Variants in CELF2 observed in about 807,000 individuals in gnomAD.
CELF2 encodes the protein CUGBP Elav-like family member 2, also known as CUG triplet repeat RNA-binding protein 2.
In CELF2, 8 loss-of-function variants were observed where a neutral mutation model predicts 62.6. The observed-to-expected ratio is 0.13, with a 90% confidence interval of 0.07 to 0.23. CELF2 has a LOEUF of 0.23. Among genes scored for constraint, CELF2 ranks in the 10% least tolerant of loss-of-function variants. CELF2 has a pLI of 1.00. For synonymous variants in CELF2, 258 were observed against 250.0 expected (o/e 1.03, Z -0.30); for missense variants, 333 against 671.0 (o/e 0.50, Z 5.56).
intron 1 of CELF2, among the ~76,000 whole-genome samples, chr10:10,857,943 A>C (rs1235141811): frequency 6.6e-6 from 1 of 151,834 alleles, no homozygotes; most frequent in Non-Finnish European, 1.5e-5. Flanking sequence ...TTTTTTAGTC[A>C]CTAGATGGGC....
intron 5 of CELF2, among the ~76,000 whole-genome samples, chr10:11,259,377 C>A (rs2765990): frequency 0.18 from 26,218 of 147,318 alleles, 2,753 homozygotes; most frequent in African/African-American, 0.31. Flanking sequence ...AACTAGGAGG[C>A]GGTGGAACCA....
At chr10:10,912,842 ACT>A (rs1489287574) in intron 1 of CELF2, among the ~76,000 whole-genome samples, 2 of 152,008 alleles carry the variant, frequency 1.3e-5, no homozygotes, top group Non-Finnish European at 2.9e-5. Flanking sequence ...TCAAATCCTG[ACT>A]CTATCTGTCA....
the CELF2 span, among the ~76,000 whole-genome samples, chr10:10,598,224 T>C: frequency 1.3e-5 from 2 of 152,242 alleles, no homozygotes; most frequent in Non-Finnish European, 2.9e-5. Context: ...GGCCAAAGAT[T>C]GTGTTCTAGA....
rs1025439235 is a variant in CELF2, at chr10:11,039,342, T to G, written c.74+21179T>G. 6.6e-6 allele frequency among the ~76,000 whole-genome samples: 1 copy of G among 152,218 alleles called. No individual in the cohort carries two copies. The highest frequency in any genetic ancestry group is 2.4e-5 in the African/African-American group (1 of 41,464). ...ACCTCCCATGCCAGGATTTGGGATG[T>G]AAGCTCATCTCAAATGTAGCCCATC... is the stretch of plus-strand genomic sequence containing the variant. On this transcript the variant is annotated intron_variant, in intron 1 of 12. Coordinates refer to ENST00000633077, the MANE Select transcript of CELF2 (RefSeq NM_001326342.2). The surrounding 1 kb of genome is among the most constrained non-coding windows in gnomAD (Gnocchi z 4.1).
intron 1 of CELF2, among the ~76,000 whole-genome samples, chr10:11,140,440 A>G (rs998679127): frequency 1.4e-4 from 21 of 151,546 alleles, no homozygotes; most frequent in African/African-American, 4.6e-4. Context: ...CATTTCAACT[A>G]TCTGGTATGC....
chr10:10,905,843 A>G (rs538066121), intron 1 of CELF2, among the ~76,000 whole-genome samples: 21 of 151,238 alleles, frequency 1.4e-4, no homozygotes, highest in Non-Finnish European at 2.4e-4. Context: ...ATGCCACTGC[A>G]CTCCAGCCTG....
the CELF2 span, among the ~76,000 whole-genome samples, chr10:10,486,130 A>G: frequency 5.3e-5 from 8 of 152,206 alleles, no homozygotes; most frequent in African/African-American, 1.9e-4. Flanking sequence ...GGAAATGTCA[A>G]TGAGGCTCCA....
intron 3 of CELF2, among the ~76,000 whole-genome samples, chr10:11,232,724 A>AGCCCACATTCATGGATAGGAGATG (rs1478916823): frequency 1.4e-4 from 21 of 152,200 alleles, no homozygotes; most frequent in Non-Finnish European, 2.6e-4. Context: ...CAGAGGAGTT[A>AGCCCACATTCATGGATAGGAGATG]GCCCACATTC....
At position 11,225,034 on chromosome 10, in the gene CELF2, G is replaced by A. The variant is rs148141278; in HGVS notation, c.354+7527G>A. Among the ~76,000 whole-genome samples, 180 of 152,218 alleles carry A rather than the reference G, an allele frequency of 1.2e-3. 2 individuals carry two copies. The highest frequency in any genetic ancestry group is 4.0e-3 in the African/African-American group (167 of 41,502). On this transcript the variant is annotated intron_variant, in intron 3 of 12. Transcript: ENST00000633077. ...AGAAGTTTCGTCTGTCCCTCTGCTC[G>A]TTTCAACCATAAATGGTCATAGCAT...
At chr10:10,777,317 G>A in the CELF2 span, among the ~76,000 whole-genome samples, 146 of 152,258 alleles carry the variant, frequency 9.6e-4, 2 homozygotes, top group African/African-American at 3.4e-3. Flanking sequence ...GATGTCCCAG[G>A]TGCTACAAAT....
rs2094535967 is a variant in CELF2, at chr10:11,311,060, G to A, written c.977-3079G>A. On this transcript the variant is annotated intron_variant, in intron 9 of 12. Coordinates refer to ENST00000633077, the MANE Select transcript of CELF2 (RefSeq NM_001326342.2). The surrounding 1 kb of genome is among the most constrained non-coding windows in gnomAD (Gnocchi z 4.7). ...CAAGGAAGTCCAAGGCTCCTGTGCA[G>A]TATCTAATAGGAGACCCTCCCCATA... Among the ~76,000 whole-genome samples the A allele has an allele frequency of 6.6e-6, 1 of 152,116 alleles. No individual in the cohort carries two copies. Among genetic ancestry groups the A allele is most frequent in the Non-Finnish European group, 1.5e-5 (1 of 68,016 alleles).
chr10:10,966,600 G>A (rs969577731), intron 2 of CELF2: 8 of 152,174 alleles, frequency 5.3e-5, no homozygotes, highest in Non-Finnish European at 1.2e-4. Context: ...ATGGTGCTTG[G>A]GACACACATT....
chr10:10,509,039 T>C, the CELF2 span, among the ~76,000 whole-genome samples: 1 of 152,158 alleles, frequency 6.6e-6, no homozygotes, highest in African/African-American at 2.4e-5. Flanking sequence ...AGTGGCTATA[T>C]GGTTGGGTAA....
At chr10:11,288,625 T>C (rs952944551) in intron 9 of CELF2, 73 bp downstream of exon 9, 15 of 1,560,560 alleles carry the variant, frequency 9.6e-6, no homozygotes, top group Non-Finnish European at 1.2e-5. Flanking sequence ...TGCCTCCAGG[T>C]GCGAGGGTGA....
In CELF2 at chr10:11,053,616, T is replaced by C. The variant is rs867127757; in HGVS notation, c.74+35453T>C. Among the ~76,000 whole-genome samples the C allele has an allele frequency of 8.6e-4, 127 of 148,114 alleles. 1 individual carries two copies. The highest frequency in any genetic ancestry group is 1.5e-3 in the Non-Finnish European group (100 of 66,722). ...CGTAGGCATACTCTGATATTTCTTT[T>C]TTTTTTTTTTTTTTTTGAGACAGAG... On this transcript the variant is annotated intron_variant, in intron 1 of 12. Coordinates refer to ENST00000633077, the MANE Select transcript of CELF2 (RefSeq NM_001326342.2).
upstream of CELF2, among the ~76,000 whole-genome samples, chr10:11,001,051 C>T (rs188925383): frequency 3.5e-4 from 53 of 152,274 alleles, no homozygotes; most frequent in African/African-American, 1.1e-3. Context: ...TCCATTTGCA[C>T]GTGTATTTAT....
chr10:11,165,079 G>A lies in CELF2; in HGVS notation c.75-407G>A. On this transcript the variant is annotated intron_variant, in intron 1 of 12. Coordinates refer to ENST00000633077, the MANE Select transcript of CELF2 (RefSeq NM_001326342.2). The surrounding 1 kb of genome is among the most constrained non-coding windows in gnomAD (Gnocchi z 7.4). ...GGGCAGGGAGAGGGAGAGAAATCCAGCAGACATCTAGCTCTGCCTTTCTTT... is the reference window on the plus strand; with the variant it reads ...GGGCAGGGAGAGGGAGAGAAATCCAACAGACATCTAGCTCTGCCTTTCTTT... 2 of 993,608 alleles carry A rather than the reference G, an allele frequency of 2.0e-6. No homozygotes were observed. The highest frequency in any genetic ancestry group is 2.4e-6 in the Non-Finnish European group (2 of 834,810). 61.5% of individuals were successfully genotyped at this position (993,608 alleles called of 1,614,324 possible). A position where few individuals can be genotyped will look rare whatever the true frequency, so the allele number is the denominator to read the frequency against.
the CELF2 span, among the ~76,000 whole-genome samples, chr10:10,758,059 G>A: frequency 3.7e-4 from 56 of 152,272 alleles, no homozygotes; most frequent in African/African-American, 1.3e-3. Context: ...TCAGCAATCT[G>A]CAGATTTTCA....
chr10:10,464,325 G>A, the CELF2 span, among the ~76,000 whole-genome samples: 4 of 152,068 alleles, frequency 2.6e-5, no homozygotes, highest in Non-Finnish European at 4.4e-5. Context: ...ATAAATTGTT[G>A]CCCAGTAACA....
Sources: gnomAD v4.1 joint callset for allele counts (sites outside exome capture counted in the v4.1 genomes callset) on GRCh38, gnomAD v4.1.1 for gene constraint, Gnocchi (gnomAD v3.1) non-coding constraint, MANE v1.5 for transcripts, NCBI Gene and HGNC (gene_info 2026-07-23, HGNC 2026-07-21) for gene names.